NPSR1: variants seen among roughly 807,000 people sequenced by gnomAD.
NPSR1 encodes neuropeptide S receptor 1.
In NPSR1, 48 loss-of-function variants were observed where a neutral mutation model predicts 46.9. The ratio of observed to expected loss-of-function variants is 1.02; its 90% CI spans 0.81 to 1.30. The LOEUF (loss-of-function observed/expected upper bound fraction) is 1.30, where lower values mean the gene tolerates loss of function less well. Among genes scored for constraint, NPSR1 ranks in the 50% most tolerant of loss-of-function variants. NPSR1 has a pLI of 0.00. For synonymous variants in NPSR1, 176 were observed against 168.1 expected, an observed-to-expected ratio of 1.05 and a Z score of -0.36; for missense variants, 450 against 449.5, an observed-to-expected ratio of 1.00 and a Z score of -0.01.
intron 1 of NPSR1, among the ~76,000 whole-genome samples, chr7:34,661,677 A>G (rs1379928): frequency 0.3 from 44,874 of 152,016 alleles, 8,088 homozygotes; most frequent in African/African-American, 0.52. Flanking sequence ...AGGGAGGTCT[A>G]GGGTGGGTTC....
At chr7:34,738,249 T>G (rs1280868121) in intron 2 of NPSR1, among the ~76,000 whole-genome samples, 1 of 152,212 alleles carries the variant, frequency 6.6e-6, no homozygotes, top group African/African-American at 2.4e-5. Context: ...CTCTAGAAGA[T>G]TTTGTAAAAG....
At chr7:34,780,412 T>C (rs758162956) in intron 3 of NPSR1, among the ~76,000 whole-genome samples, 1 of 152,176 alleles carries the variant, frequency 6.6e-6, no homozygotes, top group East Asian at 1.9e-4. Flanking sequence ...ATGTTAAGAC[T>C]ATATATAAAA....
intron 2 of NPSR1, among the ~76,000 whole-genome samples, chr7:34,758,567 A>G (rs1287923644): frequency 6.6e-6 from 1 of 152,192 alleles, no homozygotes; most frequent in Non-Finnish European, 1.5e-5. Flanking sequence ...TGTCTTCCCA[A>G]CCAGGACATT....
At chr7:34,731,016 C>T (rs891386489) in intron 2 of NPSR1, among the ~76,000 whole-genome samples, 2 of 151,950 alleles carry the variant, frequency 1.3e-5, no homozygotes, top group South Asian at 2.1e-4. Flanking sequence ...TTCAATAACT[C>T]GCATAGAAAA....
At chr7:34,691,437 A>G (rs1237513649) in intron 2 of NPSR1, among the ~76,000 whole-genome samples, 1 of 152,194 alleles carries the variant, frequency 6.6e-6, no homozygotes, top group Admixed American at 6.5e-5. Context: ...TGGATTAAAA[A>G]GAGACTCAAC....
At chr7:34,876,849 C>T (rs1246382682) in intron 8 of NPSR1, among the ~76,000 whole-genome samples, 1 of 152,150 alleles carries the variant, frequency 6.6e-6, no homozygotes, top group East Asian at 1.9e-4. Flanking sequence ...GAGAGAAATG[C>T]TCTGACAGCA....
At chr7:34,794,052 T>G (rs1233595971) in intron 3 of NPSR1, among the ~76,000 whole-genome samples, 1 of 152,104 alleles carries the variant, frequency 6.6e-6, no homozygotes, top group Non-Finnish European at 1.5e-5. Flanking sequence ...GAATGGTGGT[T>G]AGCAGAAGCT....
At chr7:34,766,577 ATT>A (rs70978573) in intron 2 of NPSR1, among the ~76,000 whole-genome samples, 1 of 147,260 alleles carries the variant, frequency 6.8e-6, no homozygotes, top group Non-Finnish European at 1.5e-5. Context: ...ATGATGAATT[ATT>A]TTTTTTTTTT....
chr7:34,749,270 C>T (rs1000944931), intron 2 of NPSR1, among the ~76,000 whole-genome samples: 9 of 152,156 alleles, frequency 5.9e-5, no homozygotes, highest in African/African-American at 2.2e-4. Context: ...AAACACAGTA[C>T]ACAGCAAAAT....
chr7:34,778,103 T>G (rs1027683758), intron 2 of NPSR1, among the ~76,000 whole-genome samples: 1 of 152,140 alleles, frequency 6.6e-6, no homozygotes. Flanking sequence ...GATTTTGCTT[T>G]TCTCAATTTT....
At chr7:34,762,684 G>A (rs1786233550) in intron 2 of NPSR1, among the ~76,000 whole-genome samples, 2 of 152,172 alleles carry the variant, frequency 1.3e-5, no homozygotes, top group South Asian at 4.1e-4. Context: ...TGGAAGCATT[G>A]CATACTCTGA....
At chr7:34,683,497 C>T (rs750542803) in intron 1 of NPSR1, among the ~76,000 whole-genome samples, 4 of 152,062 alleles carry the variant, frequency 2.6e-5, no homozygotes, top group African/African-American at 4.8e-5. Flanking sequence ...ATAGCATTCT[C>T]GCTTTTTTCT....
chr7:34,852,682 A>T (rs551336784), downstream of NPSR1, among the ~76,000 whole-genome samples: 4 of 152,274 alleles, frequency 2.6e-5, no homozygotes, highest in South Asian at 8.3e-4. Context: ...GCTCTTGGAG[A>T]AAATTAGAAG....
intron 2 of NPSR1, among the ~76,000 whole-genome samples, chr7:34,761,908 G>A (rs1033208937): frequency 1.8e-4 from 28 of 152,274 alleles, no homozygotes; most frequent in African/African-American, 6.5e-4. Flanking sequence ...TCAATGTCTT[G>A]TTTTAAGAAA....
At chr7:34,724,498 C>A (rs1784032964) in intron 2 of NPSR1, among the ~76,000 whole-genome samples, 1 of 152,220 alleles carries the variant, frequency 6.6e-6, no homozygotes, top group Non-Finnish European at 1.5e-5. Context: ...AGAAAGACGA[C>A]AGCCTGATTC....
At chr7:34,660,082 C>G (rs1162758926) in intron 1 of NPSR1, 1 of 455,920 alleles carries the variant, frequency 2.2e-6, no homozygotes, top group Non-Finnish European at 4.4e-6. Context: ...AGAAACAAAT[C>G]CCACCTTGCT....
intron 2 of NPSR1, among the ~76,000 whole-genome samples, chr7:34,747,319 T>C (rs1192588264): frequency 6.6e-6 from 1 of 152,062 alleles, no homozygotes; most frequent in Non-Finnish European, 1.5e-5. Context: ...GGGGCCCTCT[T>C]CTGCATATTG....
At chr7:34,708,742 CT>C (rs1373629688) in intron 2 of NPSR1, among the ~76,000 whole-genome samples, 1 of 152,178 alleles carries the variant, frequency 6.6e-6, no homozygotes, top group Non-Finnish European at 1.5e-5. Context: ...TTAACACTGC[CT>C]GAGAAAAGTA....
At position 34,658,397 on chromosome 7, in the gene NPSR1, C is replaced by T. The variant is rs370861955; in HGVS notation, c.-16C>T. On this transcript the variant is annotated 5_prime_UTR_variant, in exon 1 of 9. Coordinates refer to ENST00000360581, the MANE Select transcript of NPSR1 (RefSeq NM_207172.2). ...CTGCAGGAGCAAGGACAGTGAGGCT[C>T]AACCCCGCCTGAGCCATGCCAGCCA... is the stretch of plus-strand genomic sequence containing the variant. 6.2e-7 allele frequency: 1 copy of T among 1,612,828 alleles called. No individual in the cohort carries two copies. Among genetic ancestry groups the T allele is most frequent in the Non-Finnish European group, 8.5e-7 (1 of 1,179,812 alleles).
Sources: allele counts gnomAD v4.1 joint callset (sites outside exome capture counted in the v4.1 genomes callset), GRCh38; gene constraint gnomAD v4.1.1; transcripts MANE v1.5; gene names NCBI Gene and HGNC (gene_info 2026-07-23, HGNC 2026-07-21).